The following RBM6 variants were observed in gnomAD, a reference collection of about 807,000 sequenced individuals.
RBM6 encodes RNA-binding protein 6.
Under a neutral mutation model 140.4 loss-of-function variants are expected in RBM6, and 23 were observed. The ratio of observed to expected loss-of-function variants is 0.16; its 90% CI spans 0.12 to 0.23. The LOEUF is 0.23. Among genes scored for constraint, RBM6 ranks in the 10% least tolerant of loss-of-function variants. The pLI is 1.00. For missense variants in RBM6, 1,139 were observed against 1,386.7 expected, an observed-to-expected ratio of 0.82 and a Z score of 2.84; for synonymous variants, 439 against 475.6, an observed-to-expected ratio of 0.92 and a Z score of 1.00.
chr3:50,036,399 A>T (rs1410338090), intron 6 of RBM6, among the ~76,000 whole-genome samples: 1 of 152,076 alleles, frequency 6.6e-6, no homozygotes, highest in Non-Finnish European at 1.5e-5. Flanking sequence ...GTAGCACATG[A>T]TCCCAACTCC....
chr3:50,047,065 C>T (rs1028565241), intron 6 of RBM6: 15 of 597,096 alleles, frequency 2.5e-5, no homozygotes, highest in African/African-American at 2.4e-4. Flanking sequence ...AGACCAGATG[C>T]TAAGACCTAG....
chr3:49,985,229 T>C (rs1306668865), intron 5 of RBM6, among the ~76,000 whole-genome samples: 1 of 152,224 alleles, frequency 6.6e-6, no homozygotes, highest in Non-Finnish European at 1.5e-5. Flanking sequence ...CAAGGGCTGC[T>C]TGACTCCCAG....
chr3:50,012,692 T>C (rs553698034), intron 6 of RBM6, among the ~76,000 whole-genome samples: 3 of 149,610 alleles, frequency 2.0e-5, no homozygotes, highest in African/African-American at 4.9e-5. Context: ...TTCAGACTTA[T>C]AAAAAAGCTG....
At chr3:50,061,620 T>C in intron 14 of RBM6, 73 bp downstream of exon 14, 3 of 1,482,110 alleles carry the variant, frequency 2.0e-6, no homozygotes, top group Non-Finnish European at 2.7e-6. Flanking sequence ...AAAGCACCCA[T>C]AATTTGCTAC....
intron 6 of RBM6, among the ~76,000 whole-genome samples, chr3:50,042,629 G>C (rs1285884885): frequency 6.6e-6 from 1 of 152,074 alleles, no homozygotes; most frequent in Non-Finnish European, 1.5e-5. Context: ...CAGCTACTTA[G>C]GGAGGCTGAG....
At position 50,059,758 on chromosome 3, in the gene RBM6, G is replaced by T; in HGVS notation, c.2228+12G>T. 6.2e-7 allele frequency: 1 copy of T among 1,606,578 alleles called. No individual in the cohort carries two copies. On this transcript the variant is annotated intron_variant, in intron 11 of 20. Coordinates refer to ENST00000266022, the MANE Select transcript of RBM6 (RefSeq NM_005777.3). The stretch of plus-strand genomic sequence containing the variant: ...ACTGGAAAACGAAGGTAAGGCAGAA[G>T]GGTGAGGATCTCTTGTGCTGCCCCC...
At chr3:50,063,150 C>T (rs1370961704) in intron 15 of RBM6, among the ~76,000 whole-genome samples, 3 of 152,090 alleles carry the variant, frequency 2.0e-5, no homozygotes, top group African/African-American at 7.2e-5. Flanking sequence ...GTCTCAGTCT[C>T]CCAAAGTGCT....
intron 6 of RBM6, among the ~76,000 whole-genome samples, chr3:50,032,142 C>T (rs1413682530): frequency 6.6e-6 from 1 of 152,098 alleles, no homozygotes; most frequent in Non-Finnish European, 1.5e-5. Flanking sequence ...CAGATTTTCT[C>T]CCAAGGTAAA....
intron 6 of RBM6, among the ~76,000 whole-genome samples, chr3:50,026,081 CTCTTTTTTTTTT>C (rs2087798777): frequency 6.6e-6 from 1 of 151,666 alleles, no homozygotes; most frequent in Admixed American, 6.6e-5. Context: ...GAGACTTTGT[CTCTTTTTTTTTT>C]TCTTTTTTTT....
In RBM6 at chr3:50,024,233, A is replaced by G. The variant is rs116773324; in HGVS notation, c.1558-24012A>G. Among the ~76,000 whole-genome samples, 1,046 of 152,348 alleles carry G rather than the reference A, an allele frequency of 6.9e-3. 15 individuals carry two copies. The highest frequency in any genetic ancestry group is 0.024 in the African/African-American group (996 of 41,586). ...ATAGACTTTTGAAGTGTGCAAATGG[A>G]AAGAACAGTCCTTCTAAATAATTAT... On this transcript the variant is annotated intron_variant, in intron 6 of 20. Coordinates refer to ENST00000266022, the MANE Select transcript of RBM6 (RefSeq NM_005777.3).
chr3:49,975,207 C>A, intron 4 of RBM6, 116 bp from the exon 5 acceptor site: 1 of 909,522 alleles, frequency 1.1e-6, no homozygotes. Flanking sequence ...TTTAACTTTG[C>A]TTTTCCAAAG....
At chr3:49,955,797 A>G (rs1197202120) in intron 1 of RBM6, among the ~76,000 whole-genome samples, 1 of 147,602 alleles carries the variant, frequency 6.8e-6, no homozygotes, top group Non-Finnish European at 1.5e-5. Context: ...GAGCCATTGC[A>G]CTCCAGCCTG....
chr3:49,962,734 A>G, intron 2 of RBM6, 49 bp downstream of exon 2: 1 of 1,440,680 alleles, frequency 6.9e-7, no homozygotes, highest in Non-Finnish European at 9.4e-7. Context: ...TTAATTATAA[A>G]TGTGTAACAT....
At chr3:50,033,302 GA>G (rs927422031) in intron 6 of RBM6, among the ~76,000 whole-genome samples, 3 of 151,298 alleles carry the variant, frequency 2.0e-5, no homozygotes, top group Non-Finnish European at 4.4e-5. Context: ...GTCTCGAAAA[GA>G]AAAAAAAGAA....
intron 15 of RBM6, among the ~76,000 whole-genome samples, chr3:50,063,955 G>A (rs189172912): frequency 6.6e-4 from 100 of 151,934 alleles, no homozygotes; most frequent in African/African-American, 2.2e-3. Flanking sequence ...CTTTTGAGAC[G>A]GAGCCGCTCT....
intron 15 of RBM6, among the ~76,000 whole-genome samples, chr3:50,063,122 G>A (rs1392177975): frequency 1.3e-5 from 2 of 151,884 alleles, no homozygotes; most frequent in Non-Finnish European, 2.9e-5. Context: ...CGAACTTCTG[G>A]CCTCAAGTAA....
chr3:50,070,362 AAATAAT>A (rs1327812466), intron 18 of RBM6, 87 bp from the exon 19 acceptor site: 25 of 943,066 alleles, frequency 2.7e-5, no homozygotes, highest in Admixed American at 3.8e-5. Context: ...CTCAAGAAAA[AAATAAT>A]AATAATAACA....
In RBM6 at chr3:50,070,566, T is replaced by C. The variant is rs762987111; in HGVS notation, c.3116+14T>C. 1.4e-5 allele frequency: 22 copies of C among 1,590,612 alleles called. No homozygotes were observed. The highest frequency in any genetic ancestry group is 1.0e-4 in the Admixed American group (6 of 59,922). On this transcript the variant is annotated intron_variant, in intron 19 of 20. Transcript: ENST00000266022. ...GGAAACTGACAGGTAAGCCAGGAAC[T>C]CTTCATTCAGCCTAGGCCTCAAGCC...
chr3:50,002,528 C>G (rs1023646584), intron 6 of RBM6, among the ~76,000 whole-genome samples: 3 of 151,980 alleles, frequency 2.0e-5, no homozygotes, highest in Non-Finnish European at 4.4e-5. Context: ...TCCCAAAGTG[C>G]TGGGACTGCA....
Sources: gnomAD v4.1 joint callset for allele counts (sites outside exome capture counted in the v4.1 genomes callset) on GRCh38, gnomAD v4.1.1 for gene constraint, MANE v1.5 for transcripts, NCBI Gene and HGNC (gene_info 2026-07-23, HGNC 2026-07-21) for gene names.